Variants in SLC4A11 observed in about 807,000 individuals in gnomAD.
The protein encoded by SLC4A11 is bicarbonate transporter related protein 1.
A neutral mutation model predicts 95.0 loss-of-function variants in SLC4A11; 74 were observed. The observed-to-expected ratio is 0.78, with a 90% CI of 0.65 to 0.95. The LOEUF (loss-of-function observed/expected upper bound fraction) is 0.95. Ranked by LOEUF, SLC4A11 falls within the 40% of genes least tolerant of loss-of-function variation. The pLI is 0.00. For synonymous variants in SLC4A11, 548 were observed against 519.0 expected (o/e 1.06, Z -0.76); for missense variants, 1,081 against 1,192.4 (o/e 0.91, Z 1.38).
chr20:3,238,777 G>A, intron 1 of SLC4A11: 1 of 1,122,282 alleles, frequency 8.9e-7, no homozygotes, highest in African/African-American at 1.6e-5. Context: ...GGCGCTGGGA[G>A]CCCCACAGCT....
chr20:3,228,776 C>T, intron 17 of SLC4A11, 62 bp downstream of exon 17: 4 of 1,612,932 alleles, frequency 2.5e-6, no homozygotes, highest in Non-Finnish European at 3.4e-6. Flanking sequence ...CTCCCTATGT[C>T]CCATGTGGCC....
At position 3,229,130 on chromosome 20, in the gene SLC4A11, G is replaced by A; in HGVS notation, c.1983C>T (p.Asn661=). The change falls in exon 16 of 20, where the codon AAC becomes AAT. Residue 661 remains asparagine, a synonymous_variant. Coordinates refer to ENST00000642402, the MANE Select transcript of SLC4A11 (RefSeq NM_001174089.2). ...GTGCATTCACCAAGGCGGCCACCAA[G>A]TTCTGCTCGATGAAGAAGAGCATGG... ...LLSMLFFIEQ[N]LVAALVNAPE... 1 of 1,366,784 alleles carries A rather than the reference G, an allele frequency of 7.3e-7. No homozygotes were observed. The highest frequency in any genetic ancestry group is 9.7e-7 in the Non-Finnish European group (1 of 1,032,690). The allele number at this position is 1,366,784 out of a possible 1,614,324, so 84.7% of individuals were successfully genotyped here. A position where few individuals can be genotyped will look rare whatever the true frequency, so the allele number is the denominator to read the frequency against.
chr20:3,228,381 C>A lies in SLC4A11; in HGVS notation c.2436G>T (p.Lys812Asn). 2 of 1,613,394 alleles carry A rather than the reference C, an allele frequency of 1.2e-6. No homozygotes were observed. Among genetic ancestry groups the A allele is most frequent in the South Asian group, 2.2e-5 (2 of 91,082 alleles). The change falls in exon 19 of 20, where the codon AAG becomes AAT. Residue 812 changes from lysine to asparagine, a missense_variant. Around this residue, in one of 3 missense-constraint regions of SLC4A11, gnomAD observed 767 missense variants for 858.0 expected, o/e 0.89. Coordinates refer to ENST00000642402, the MANE Select transcript of SLC4A11 (RefSeq NM_001174089.2). ...CCTGCAGGCCCGTGAAGTAGTGGAT[C>A]TTCCTCTGGGGCACCCTCCGGATGT... ...THYIRRVPQR[K>N]IHYFTGLQVL... is the part of the protein sequence containing the mutation.
Position 3,231,534 on chromosome 20 carries a change from A to G in SLC4A11, c.744T>C (p.Thr248=). The G allele has an allele frequency of 9.9e-6, 16 of 1,613,590 alleles. No individual in the cohort carries two copies. The highest frequency in any genetic ancestry group is 1.3e-5 in the Non-Finnish European group (15 of 1,179,980). ...LAPPKMKSTK[T]AMEVARTFAT... is the part of the protein sequence containing the mutation. ...CAAACGTGCGCGCCACCTCCATCGC[A>G]GTCTTAGTGCTTTTCTAGGGGTGGA... Residue 248 remains threonine, a synonymous_variant, in exon 8 of 20, where the codon ACT becomes ACC. Transcript: ENST00000642402. The surrounding 1 kb of genome is among the most constrained non-coding windows in gnomAD (Gnocchi z 5.2).
At chr20:3,239,022 G>A (rs1165278676) in intron 1 of SLC4A11, 73 bp downstream of exon 1, 4 of 1,443,332 alleles carry the variant, frequency 2.8e-6, no homozygotes, top group South Asian at 2.7e-5. Flanking sequence ...CGTTCTCCCC[G>A]GGGTCCCCGA....
chr20:3,232,825 A>G (rs2067824963), intron 7 of SLC4A11, among the ~76,000 whole-genome samples: 1 of 152,244 alleles, frequency 6.6e-6, no homozygotes, highest in Non-Finnish European at 1.5e-5. Context: ...TCAAGGCACC[A>G]GGCTTTAACT....
chr20:3,233,963 G>A lies in SLC4A11; in HGVS notation c.563C>T (p.Thr188Ile), dbSNP rs147961050. The A allele has an allele frequency of 6.2e-7, 1 of 1,613,912 alleles. No homozygotes were observed. Residue 188 changes from threonine to isoleucine, a missense_variant, in exon 6 of 20, where the codon ACA becomes ATA. By Grantham distance (89) the Thr-to-Ile change is moderately conservative. Coordinates refer to ENST00000642402, the MANE Select transcript of SLC4A11 (RefSeq NM_001174089.2). ...LSDTIQGVTA[T>I]VTGVRYQQSW... Reference sequence around the variant, plus strand: ...CTGCTGGTACCGCACCCCTGTCACTGTGGCGGTGACCCCTTGGATGGTATC... The same window carrying A: ...CTGCTGGTACCGCACCCCTGTCACTATGGCGGTGACCCCTTGGATGGTATC...
intron 13 of SLC4A11, 103 bp from the exon 14 acceptor site, chr20:3,229,879 A>G: frequency 6.5e-7 from 1 of 1,529,280 alleles, no homozygotes; most frequent in South Asian, 1.1e-5. Context: ...GGGGAAGGTG[A>G]GGGGACCCTG....
In SLC4A11 at chr20:3,229,705, G is replaced by T. The variant is rs561120946; in HGVS notation, c.1561C>A (p.Leu521Met). The change falls in exon 14 of 20, where the codon CTG (leucine) becomes ATG (methionine). Residue 521 changes from leucine to methionine, a missense_variant. Leu to Met is a conservative substitution (Grantham distance 15). Coordinates refer to ENST00000642402, the MANE Select transcript of SLC4A11 (RefSeq NM_001174089.2). Reference protein sequence around the residue: ...HTKRTSSLVSLSGLGASLNAS... With the variant: ...HTKRTSSLVSMSGLGASLNAS... Reference sequence around the variant, plus strand: ...TTGAGGCTGGCGCCGAGGCCTGACAGGCTGACAAGGGATGAAGTCCTTTTT... The same window carrying T: ...TTGAGGCTGGCGCCGAGGCCTGACATGCTGACAAGGGATGAAGTCCTTTTT... The T allele has an allele frequency of 2.5e-6, 4 of 1,613,874 alleles. No homozygotes were observed. The African/African-American group carries it at 5.3e-5, about 22-fold the overall frequency.
In SLC4A11 at chr20:3,239,148, C is replaced by A; in HGVS notation, c.-11G>T. 1 of 1,465,944 alleles carries A rather than the reference C, an allele frequency of 6.8e-7. No individual in the cohort carries two copies. The allele number at this position is 1,465,944 out of a possible 1,614,324, so 90.8% of individuals were successfully genotyped here. On this transcript the variant is annotated 5_prime_UTR_variant, in exon 1 of 20. Transcript: ENST00000642402. ...GGTGGCCGCGGCCATGGCACACTCG[C>A]GCACTCACGGCCGGGCTCCTCACGC... is the stretch of plus-strand genomic sequence containing the variant.
In SLC4A11 at chr20:3,227,723, G is replaced by T; in HGVS notation, c.*64C>A. ...CCACACACCTACACCTCCCCTCACA[G>T]CTCCAGAGCCAGCCTGGGAGGACGT... On this transcript the variant is annotated 3_prime_UTR_variant, in exon 20 of 20. Transcript: ENST00000642402. The T allele has an allele frequency of 1.3e-6, 2 of 1,566,918 alleles. No homozygotes were observed. Among genetic ancestry groups the T allele is most frequent in the South Asian group, 2.2e-5 (2 of 89,542 alleles).
chr20:3,233,334 C>T (rs991644517), intron 7 of SLC4A11, among the ~76,000 whole-genome samples, 180 bp downstream of exon 7: 33 of 152,152 alleles, frequency 2.2e-4, no homozygotes, highest in African/African-American at 3.4e-4. Context: ...CGGCAATCCC[C>T]GGGGACATGA....
chr20:3,236,408 A>G (rs1568545628), intron 2 of SLC4A11, among the ~76,000 whole-genome samples: 1 of 152,160 alleles, frequency 6.6e-6, no homozygotes, highest in Non-Finnish European at 1.5e-5. Flanking sequence ...AACATGGTGA[A>G]ACCCTGTCTC....
Position 3,228,582 on chromosome 20 carries a change from AG to A in SLC4A11, c.2317del (p.Leu773SerfsTer60), listed in dbSNP as rs770155207. On this transcript the variant is annotated frameshift_variant, in exon 18 of 20. Transcript: ENST00000642402. LOFTEE classifies it high-confidence loss of function. ...ATCGAGGGAGGTGAGCGCGATGTAG[AG>A]GAAGAGGCCATAGAGCACGGGCTTG... ...IPKPVLYGLF[L>X]YIALTSLDGN... The A allele has an allele frequency of 1.2e-6, 2 of 1,613,268 alleles. No individual in the cohort carries two copies. Among genetic ancestry groups the A allele is most frequent in the East Asian group, 2.2e-5 (1 of 44,870 alleles).
At chr20:3,235,210 A>G (rs914506869) in intron 2 of SLC4A11, among the ~76,000 whole-genome samples, 2 of 152,098 alleles carry the variant, frequency 1.3e-5, no homozygotes, top group East Asian at 1.9e-4. Flanking sequence ...AATAATGCAG[A>G]TGAGACTGCC....
At chr20:3,237,243 G>T (rs922220214) in intron 2 of SLC4A11, among the ~76,000 whole-genome samples, 12 of 152,234 alleles carry the variant, frequency 7.9e-5, no homozygotes, top group Admixed American at 5.2e-4. Context: ...GGGGCACACA[G>T]AATTCTTGGC....
chr20:3,239,123 G>T lies in SLC4A11; in HGVS notation c.15C>A (p.Thr5=). ...ACGGCTGCAGATGGAACACGCGCCT[G>T]GTGGCCGCGGCCATGGCACACTCGC... MAAA[T]RRVFHLQPCE... Residue 5 remains threonine (T), a synonymous_variant, in exon 1 of 20, where the codon ACC becomes ACA. Transcript: ENST00000642402. 4.1e-6 allele frequency: 6 copies of T among 1,476,848 alleles called. No individual in the cohort carries two copies. Among genetic ancestry groups the T allele is most frequent in the Non-Finnish European group, 5.4e-6 (6 of 1,118,562 alleles). 91.5% of individuals were successfully genotyped at this position (1,476,848 alleles called of 1,614,324 possible). A position where few individuals can be genotyped will look rare whatever the true frequency, so the allele number is the denominator to read the frequency against.
rs750060652 is a variant in SLC4A11, at chr20:3,234,796, C to T, written c.187G>A (p.Glu63Lys). ...ACATTGACAAAAAAACGGATACTCT[C>T]GCCAGACACGATGGAGGAGTTGGCA... ...DTANSSIVSG[E>K]SIRFFVNVNL... is the part of the protein sequence containing the mutation. Residue 63 changes from glutamate (E) to lysine (K), a missense_variant, in exon 3 of 20, where the codon GAG becomes AAG. Glu to Lys is a moderately conservative substitution (Grantham distance 56, BLOSUM62 1). This residue lies in a region of SLC4A11 where 310 missense variants were observed against 313.5 expected (regional missense o/e 0.99). Coordinates refer to ENST00000642402, the MANE Select transcript of SLC4A11 (RefSeq NM_001174089.2). This position sits in a 1 kb window ranked among gnomAD's most constrained non-coding sequence, Gnocchi z 5.8. 14 of 1,613,926 alleles carry T rather than the reference C, an allele frequency of 8.7e-6. No homozygotes were observed. The East Asian group carries it at 1.1e-4, about 13-fold the overall frequency.
chr20:3,232,412 G>A (rs1019565718), intron 7 of SLC4A11, among the ~76,000 whole-genome samples: 22 of 152,254 alleles, frequency 1.4e-4, no homozygotes, highest in East Asian at 9.6e-4. Context: ...GAAGAGGCCC[G>A]TGCCTGGCAG....
Sources: allele counts gnomAD v4.1 joint callset (sites outside exome capture counted in the v4.1 genomes callset), GRCh38; gene constraint gnomAD v4.1.1; regional missense constraint gnomAD v4.1.1; non-coding constraint Gnocchi (gnomAD v3.1); transcripts MANE v1.5; gene names NCBI Gene and HGNC (gene_info 2026-07-23, HGNC 2026-07-21).